The following ITGA4 variants were observed in gnomAD, a reference collection of about 807,000 sequenced individuals.
ITGA4 encodes the protein integrin subunit alpha 4.
In ITGA4, 63 loss-of-function variants were observed where a neutral mutation model predicts 133.6. That is an observed-to-expected ratio of 0.47 (90% CI 0.38 to 0.58). The LOEUF (loss-of-function observed/expected upper bound fraction) is 0.58. ITGA4 is among the 20% of genes least tolerant of loss of function. ITGA4 has a pLI of 0.00. For missense variants in ITGA4, 1,076 were observed against 1,252.7 expected, an observed-to-expected ratio of 0.86 and a Z score of 2.13; for synonymous variants, 483 against 438.0, an observed-to-expected ratio of 1.10 and a Z score of -1.28.
rs1687046592 is a variant in ITGA4, at chr2:181,535,465, C to G, written c.3037C>G (p.Leu1013Val). The part of the protein sequence containing the change: ...GFFKRQYKSI[L>V]QEENRRDSWS... ...CTTTAAAAGACAATACAAATCTATC[C>G]TACAAGAAGAAAACAGAAGAGACAG... The change falls in exon 28 of 28, where the codon CTA becomes GTA. Residue 1013 changes from leucine (L) to valine (V), a missense_variant. By Grantham distance (32) the Leu-to-Val change is conservative. This residue lies in a region of ITGA4 where 193 missense variants were observed against 172.3 expected (regional missense o/e 1.12). Transcript: ENST00000397033. 3 of 1,609,324 alleles carry G rather than the reference C, an allele frequency of 1.9e-6. No homozygotes were observed. In the South Asian group the frequency reaches 3.3e-5, roughly 18 times the overall value.
chr2:181,469,038 C>T (rs1685486312), intron 2 of ITGA4, among the ~76,000 whole-genome samples: 1 of 152,064 alleles, frequency 6.6e-6, no homozygotes, highest in Non-Finnish European at 1.5e-5. Context: ...AATTGAAAAC[C>T]AGATTATAAA....
Position 181,537,213 on chromosome 2 carries a change from ACTGTCTTCTCCAG to A in ITGA4, c.*1687_*1699del, listed in dbSNP as rs1559063095. The A allele has an allele frequency of 6.6e-6, 3 of 453,902 alleles. No individual in the cohort carries two copies. Among genetic ancestry groups the A allele is most frequent in the Non-Finnish European group, 1.3e-5 (3 of 226,722 alleles). The allele number at this position is 453,902 out of a possible 1,614,324, so 28.1% of individuals were successfully genotyped here. ...ATGAAAAATCAAGCCCCGATTTAGAACTGTCTTCTCCAGGATGGTCTCTAAGGAAATTTACATT... is the reference window on the plus strand; with the variant it reads ...ATGAAAAATCAAGCCCCGATTTAGAAGATGGTCTCTAAGGAAATTTACATT... On this transcript the variant is annotated 3_prime_UTR_variant, in exon 28 of 28. Transcript: ENST00000397033.
intron 11 of ITGA4, 44 bp downstream of exon 11, chr2:181,493,463 C>A: frequency 2.5e-6 from 3 of 1,195,862 alleles, no homozygotes; most frequent in African/African-American, 1.5e-5. Context: ...GGTTATAATG[C>A]ATATCCTTAA....
In ITGA4 at chr2:181,530,585, A is replaced by G. The variant is rs546689637; in HGVS notation, c.2600A>G (p.Lys867Arg). 3.7e-6 allele frequency: 6 copies of G among 1,612,492 alleles called. No homozygotes were observed. The Admixed American group carries it at 5.0e-5, about 13-fold the overall frequency. The change falls in exon 24 of 28, where the codon AAG becomes AGG. Residue 867 changes from lysine to arginine, a missense_variant. This residue lies in a region of ITGA4 where 365 missense variants were observed against 421.4 expected (regional missense o/e 0.87). Coordinates refer to ENST00000397033, the MANE Select transcript of ITGA4 (RefSeq NM_000885.6). ...AGAGTGTGTGCATTAGAGCAGCAAA[A>G]GAGTGCAATGCAGACCTTGAAAGGC... ...YQRVCALEQQKSAMQTLKGIV... is the reference protein window; with the variant it reads ...YQRVCALEQQRSAMQTLKGIV...
intron 17 of ITGA4, among the ~76,000 whole-genome samples, chr2:181,517,907 T>C (rs1391701247): frequency 6.6e-6 from 1 of 152,256 alleles, no homozygotes; most frequent in East Asian, 1.9e-4. Flanking sequence ...CAGTGACTAA[T>C]GCTTTGGTTA....
chr2:181,512,693 C>T lies in ITGA4; in HGVS notation c.1922+918C>T, dbSNP rs116794936. 3.1e-3 allele frequency among the ~76,000 whole-genome samples: 473 copies of T among 152,008 alleles called. 2 individuals are homozygous for T. The highest frequency in any genetic ancestry group is 0.011 in the African/African-American group (459 of 41,478). On this transcript the variant is annotated intron_variant, in intron 17 of 27. Transcript: ENST00000397033. ...ATAAAAAGATCAGATAACGTAATGT[C>T]TAAAGGTCATGGAAGTTGGCATTTA... is the stretch of plus-strand genomic sequence containing the variant.
Position 181,480,119 on chromosome 2 carries a change from GTT to G in ITGA4, c.625-9_625-8del. On this transcript the variant is annotated splice_polypyrimidine_tract_variant and intron_variant, in intron 5 of 27. Transcript: ENST00000397033. ...TGAGATTAAAGTTTAAATAATAATA[GTT>G]TTTTTTTTCTTACAGGATTTAATTG... is the stretch of plus-strand genomic sequence containing the variant. 7.5e-7 allele frequency: 1 copy of G among 1,338,118 alleles called. No homozygotes were observed. The highest frequency in any genetic ancestry group is 1.5e-5 in the South Asian group (1 of 68,324). 82.9% of individuals were successfully genotyped at this position (1,338,118 alleles called of 1,614,324 possible). A position where few individuals can be genotyped will look rare whatever the true frequency, so the allele number is the denominator to read the frequency against.
At position 181,478,741 on chromosome 2, in the gene ITGA4, T is replaced by G. The variant is rs775871473; in HGVS notation, c.557-16T>G. The G allele has an allele frequency of 1.7e-6, 2 of 1,189,160 alleles. No homozygotes were observed. Among genetic ancestry groups the G allele is most frequent in the Admixed American group, 4.6e-5 (2 of 43,586 alleles). 73.7% of individuals were successfully genotyped at this position (1,189,160 alleles called of 1,614,324 possible). ...TTTAAGATAAAATTCTGAGTTGTTT[T>G]AATATTTCATTTTAGATTATGTGAA... On this transcript the variant is annotated splice_polypyrimidine_tract_variant and intron_variant, in intron 4 of 27. Coordinates refer to ENST00000397033, the MANE Select transcript of ITGA4 (RefSeq NM_000885.6).
chr2:181,470,492 A>C (rs1164053308), intron 2 of ITGA4, among the ~76,000 whole-genome samples: 7 of 152,122 alleles, frequency 4.6e-5, no homozygotes, highest in Admixed American at 3.9e-4. Flanking sequence ...TTCTTAACCC[A>C]GACATGTCAA....
intron 2 of ITGA4, among the ~76,000 whole-genome samples, chr2:181,473,716 C>G (rs1191399426): frequency 3.3e-5 from 5 of 152,058 alleles, no homozygotes; most frequent in Non-Finnish European, 5.9e-5. Context: ...GCTGGTAATC[C>G]CAGCACTTTA....
chr2:181,507,224 A>C (rs1355633106), intron 15 of ITGA4, among the ~76,000 whole-genome samples: 3 of 152,100 alleles, frequency 2.0e-5, no homozygotes, highest in African/African-American at 7.2e-5. Context: ...GTTTCCGTGT[A>C]GGTGGGCTAT....
At position 181,530,577 on chromosome 2, in the gene ITGA4, G is replaced by A. The variant is rs752916851; in HGVS notation, c.2592G>A (p.Glu864=). The change falls in exon 24 of 28, where the codon GAG becomes GAA. Residue 864 remains glutamate (E), a synonymous_variant. Transcript: ENST00000397033. ...FENYQRVCAL[E]QQKSAMQTLK... is the part of the protein sequence containing the mutation. ...ATTATCAAAGAGTGTGTGCATTAGAGCAGCAAAAGAGTGCAATGCAGACCT... is the reference window on the plus strand; with the variant it reads ...ATTATCAAAGAGTGTGTGCATTAGAACAGCAAAAGAGTGCAATGCAGACCT... The A allele has an allele frequency of 1.9e-6, 3 of 1,612,518 alleles. No individual in the cohort carries two copies. The highest frequency in any genetic ancestry group is 2.5e-6 in the Non-Finnish European group (3 of 1,178,650).
chr2:181,530,645 T>C lies in ITGA4; in HGVS notation c.2660T>C (p.Leu887Pro). 6.2e-7 allele frequency: 1 copy of C among 1,609,356 alleles called. No homozygotes were observed. The highest frequency in any genetic ancestry group is 8.5e-7 in the Non-Finnish European group (1 of 1,177,454). The change falls in exon 24 of 28, where the codon CTA becomes CCA. Residue 887 changes from leucine (L) to proline (P), a missense_variant. Leu to Pro is a moderately conservative substitution (Grantham distance 98, BLOSUM62 -3). Around this residue, in one of 4 missense-constraint regions of ITGA4, gnomAD observed 193 missense variants for 172.3 expected, o/e 1.12. Coordinates refer to ENST00000397033, the MANE Select transcript of ITGA4 (RefSeq NM_000885.6). Reference protein sequence around the residue: ...VRFLSKTDKRLLYCIKADPHC... With the variant: ...VRFLSKTDKRPLYCIKADPHC... ...TTCTTGTCCAAGACTGATAAGAGGC[T>C]ATTGGTAAGTTTCAGTTTTTCAGGT...
chr2:181,521,722 C>T (rs2105764542), intron 17 of ITGA4, among the ~76,000 whole-genome samples: 1 of 152,256 alleles, frequency 6.6e-6, no homozygotes, highest in East Asian at 1.9e-4. Context: ...CTTCCTCATG[C>T]CTTGCTCACT....
intron 9 of ITGA4, among the ~76,000 whole-genome samples, chr2:181,485,168 G>A (rs1437668931): frequency 6.6e-6 from 1 of 152,138 alleles, no homozygotes; most frequent in African/African-American, 2.4e-5. Flanking sequence ...GAAACCTTCA[G>A]TGTTTAGTAT....
intron 17 of ITGA4, among the ~76,000 whole-genome samples, chr2:181,515,198 C>T (rs530297259): frequency 7.2e-5 from 11 of 152,170 alleles, no homozygotes; most frequent in Admixed American, 6.5e-4. Flanking sequence ...GTCAATCTGA[C>T]CTGGTTCAAA....
At chr2:181,475,896 A>G in intron 4 of ITGA4, 1 of 1,564,220 alleles carries the variant, frequency 6.4e-7, no homozygotes, top group South Asian at 1.2e-5. Flanking sequence ...AGCATGTCAG[A>G]GGATATCTGC....
chr2:181,525,361 G>A (rs989518945), intron 21 of ITGA4, 70 bp downstream of exon 21: 14 of 784,932 alleles, frequency 1.8e-5, no homozygotes, highest in Non-Finnish European at 2.7e-5. Context: ...TTACATTAAT[G>A]AAAAAACTGT....
chr2:181,534,510 A>G (rs1012471684), intron 26 of ITGA4, 140 bp downstream of exon 26: 1 of 653,360 alleles, frequency 1.5e-6, no homozygotes, highest in Non-Finnish European at 2.7e-6. Context: ...TACTTGGTTG[A>G]GAGTTGGCAT....
Sources: gnomAD v4.1 joint callset for allele counts (sites outside exome capture counted in the v4.1 genomes callset) on GRCh38, gnomAD v4.1.1 for gene constraint, gnomAD v4.1.1 regional missense constraint, MANE v1.5 for transcripts, NCBI Gene and HGNC (gene_info 2026-07-23, HGNC 2026-07-21) for gene names.